Variants in KIRREL3 observed in about 807,000 individuals in gnomAD.
KIRREL3 encodes the protein kirre like nephrin family adhesion molecule 3, also known as kin of IRRE-like protein 3.
In KIRREL3, 36 loss-of-function variants were observed where a neutral mutation model predicts 89.7. The observed-to-expected ratio is 0.40, with a 90% CI of 0.31 to 0.53. KIRREL3 has a LOEUF of 0.53. Among genes scored for constraint, KIRREL3 ranks in the 20% least tolerant of loss-of-function variants. The pLI, the probability that KIRREL3 is intolerant of heterozygous loss-of-function variation, is 0.49. For missense variants in KIRREL3, 864 were observed against 1,056.6 expected (o/e 0.82, Z 2.53); for synonymous variants, 445 against 441.4 (o/e 1.01, Z -0.10).
At chr11:126,962,633 G>A (rs1042417258) in intron 1 of KIRREL3, among the ~76,000 whole-genome samples, 2 of 152,196 alleles carry the variant, frequency 1.3e-5, no homozygotes, top group Non-Finnish European at 2.9e-5. Context: ...AGGTGATAAA[G>A]CAGCAGCAGG....
Position 126,639,092 on chromosome 11 carries a change from G to A in KIRREL3, c.56-76180C>T, listed in dbSNP as rs1037392522. On this transcript the variant is annotated intron_variant, in intron 1 of 16. Transcript: ENST00000525144. The surrounding 1 kb of genome is among the most constrained non-coding windows in gnomAD (Gnocchi z 4.3). ...CTGGGCTGCATTGCCAAAGTTTCCA[G>A]TTTCTTCATGACTTGGCCAGCCCCC... 1.3e-5 allele frequency among the ~76,000 whole-genome samples: 2 copies of A among 152,114 alleles called. No individual in the cohort carries two copies. Among genetic ancestry groups the A allele is most frequent in the Non-Finnish European group, 2.9e-5 (2 of 68,016 alleles).
rs540730211 is a variant in KIRREL3 at position 126,481,932 on chromosome 11, C to A, written c.434-8466G>T. On this transcript the variant is annotated intron_variant, in intron 4 of 16. Coordinates refer to ENST00000525144, the MANE Select transcript of KIRREL3 (RefSeq NM_032531.4). ...AACTTCTTGGCCACTGCTGACTCTT[C>A]GGCCTTGCTTTTCATCACTTCTTAC... 2.0e-5 allele frequency among the ~76,000 whole-genome samples: 3 copies of A among 152,376 alleles called. No homozygotes were observed. The South Asian group carries it at 6.2e-4, about 32-fold the overall frequency.
Position 126,747,567 on chromosome 11 carries a change from C to T in KIRREL3, c.56-184655G>A, listed in dbSNP as rs763494225. Among the ~76,000 whole-genome samples the T allele has an allele frequency of 6.6e-6, 1 of 152,076 alleles. No homozygotes were observed. The highest frequency in any genetic ancestry group is 1.5e-5 in the Non-Finnish European group (1 of 68,022). ...TCTGCAAAGCAGTGCTCTCTGTGGT[C>T]GTGGCTGTGCTCACAGAAAAGGCAC... On this transcript the variant is annotated intron_variant, in intron 1 of 16. Coordinates refer to ENST00000525144, the MANE Select transcript of KIRREL3 (RefSeq NM_032531.4). This position sits in a 1 kb window ranked among gnomAD's most constrained non-coding sequence, Gnocchi z 4.7.
rs540176402 is a variant in KIRREL3, at chr11:126,755,821, G to A, written c.56-192909C>T. Among the ~76,000 whole-genome samples, 113 of 78,086 alleles carry A rather than the reference G, an allele frequency of 1.4e-3. No individual in the cohort carries two copies. The highest frequency in any genetic ancestry group is 5.9e-3 in the Middle Eastern group (1 of 170). The allele number at this position is 78,086 out of a possible 152,430, so 51.2% of individuals were successfully genotyped here. On this transcript the variant is annotated intron_variant, in intron 1 of 16. Transcript: ENST00000525144. This position sits in a 1 kb window ranked among gnomAD's most constrained non-coding sequence, Gnocchi z 4.3. ...ATGCGTGCTCGCCATCTGCCATTCA[G>A]GCAGAGAGAGAGAGAGAGAGAGAGA...
chr11:126,920,027 A>G (rs1947205893), intron 1 of KIRREL3, among the ~76,000 whole-genome samples: 2 of 152,202 alleles, frequency 1.3e-5, no homozygotes, highest in African/African-American at 4.8e-5. Flanking sequence ...GATAGCATTT[A>G]ATTTTATCAT....
rs1948725301 is a variant in KIRREL3, at chr11:126,734,136, G to A, written c.56-171224C>T. On this transcript the variant is annotated intron_variant, in intron 1 of 16. Transcript: ENST00000525144. The surrounding 1 kb of genome is among the most constrained non-coding windows in gnomAD (Gnocchi z 5.9). ...TCCCTAGGTGGTTTGTTTGAACACTGGAGTTTGGGAAGCACTGCACTAATG... is the reference window on the plus strand; with the variant it reads ...TCCCTAGGTGGTTTGTTTGAACACTAGAGTTTGGGAAGCACTGCACTAATG... Among the ~76,000 whole-genome samples, 1 of 152,146 alleles carries A rather than the reference G, an allele frequency of 6.6e-6. No homozygotes were observed. Among genetic ancestry groups the A allele is most frequent in the East Asian group, 1.9e-4 (1 of 5,196 alleles).
intron 1 of KIRREL3, among the ~76,000 whole-genome samples, chr11:126,871,742 G>C (rs764857800): frequency 5.3e-5 from 8 of 152,128 alleles, no homozygotes; most frequent in Non-Finnish European, 1.0e-4. Context: ...GTCTTTCTTG[G>C]GTCAGGAGCA....
intron 1 of KIRREL3, among the ~76,000 whole-genome samples, chr11:126,966,577 G>A (rs1949279110): frequency 6.6e-6 from 1 of 152,146 alleles, no homozygotes; most frequent in Non-Finnish European, 1.5e-5. Context: ...TAGGTGGTGT[G>A]CCTGACGTGT....
In KIRREL3 at chr11:126,977,399, A is replaced by G. The variant is rs549833175; in HGVS notation, c.55+23056T>C. On this transcript the variant is annotated intron_variant, in intron 1 of 16. Transcript: ENST00000525144. This position sits in a 1 kb window ranked among gnomAD's most constrained non-coding sequence, Gnocchi z 4.7. ...TTTCTTTTTCATCACCCAGCTTTTCATATTGTTTATTTTCTACTGCCTCTG... is the reference window on the plus strand; with the variant it reads ...TTTCTTTTTCATCACCCAGCTTTTCGTATTGTTTATTTTCTACTGCCTCTG... Among the ~76,000 whole-genome samples the G allele has an allele frequency of 1.3e-5, 2 of 151,750 alleles. No individual in the cohort carries two copies. The highest frequency in any genetic ancestry group is 3.9e-4 in the East Asian group (2 of 5,150).
chr11:126,599,837 A>G (rs1272768022), intron 1 of KIRREL3, among the ~76,000 whole-genome samples: 4 of 152,096 alleles, frequency 2.6e-5, no homozygotes, highest in African/African-American at 4.8e-5. Flanking sequence ...GCTGGTTTCC[A>G]TTTTCTTAGA....
chr11:126,913,077 A>C (rs1335878565), intron 1 of KIRREL3, among the ~76,000 whole-genome samples: 3 of 152,214 alleles, frequency 2.0e-5, no homozygotes, highest in Middle Eastern at 3.2e-3. Context: ...TAACTACCCA[A>C]AGATTAGAAC....
chr11:126,793,719 C>A (rs763556427), intron 1 of KIRREL3, among the ~76,000 whole-genome samples: 3 of 152,178 alleles, frequency 2.0e-5, no homozygotes, highest in Non-Finnish European at 4.4e-5. Flanking sequence ...AAGGAAAATG[C>A]GTAAATGATT....
In KIRREL3 at chr11:126,685,824, C is replaced by A. The variant is rs1048767657; in HGVS notation, c.56-122912G>T. On this transcript the variant is annotated intron_variant, in intron 1 of 16. Transcript: ENST00000525144. This position sits in a 1 kb window ranked among gnomAD's most constrained non-coding sequence, Gnocchi z 5.5. ...TGATGTTTGCCAGAGTGGCTCCACGCCCCTTGGGGGCAGATGGCCGACCCA... is the reference window on the plus strand; with the variant it reads ...TGATGTTTGCCAGAGTGGCTCCACGACCCTTGGGGGCAGATGGCCGACCCA... 6.6e-6 allele frequency among the ~76,000 whole-genome samples: 1 copy of A among 152,222 alleles called. No individual in the cohort carries two copies. Among genetic ancestry groups the A allele is most frequent in the Admixed American group, 6.5e-5 (1 of 15,290 alleles).
intron 12 of KIRREL3, 81 bp downstream of exon 12, chr11:126,436,730 C>T: frequency 6.7e-7 from 1 of 1,489,484 alleles, no homozygotes; most frequent in Non-Finnish European, 9.3e-7. Context: ...ACCTTGCAGC[C>T]ACCCGCGCCC....
Position 126,897,724 on chromosome 11 carries a change from G to A in KIRREL3, c.55+102731C>T, listed in dbSNP as rs569118834. ...TTTGATTTCATCTCCAGTTTCGGAC[G>A]AGCAGCAGTACAACATGCAGCAGCA... On this transcript the variant is annotated intron_variant, in intron 1 of 16. Coordinates refer to ENST00000525144, the MANE Select transcript of KIRREL3 (RefSeq NM_032531.4). The surrounding 1 kb of genome is among the most constrained non-coding windows in gnomAD (Gnocchi z 4.2). Among the ~76,000 whole-genome samples the A allele has an allele frequency of 1.3e-5, 2 of 152,182 alleles. No homozygotes were observed. The highest frequency in any genetic ancestry group is 6.5e-5 in the Admixed American group (1 of 15,278).
intron 1 of KIRREL3, among the ~76,000 whole-genome samples, chr11:126,915,414 C>T (rs34752015): frequency 0.12 from 17,775 of 151,742 alleles, 1,395 homozygotes; most frequent in East Asian, 0.4. Flanking sequence ...GGATTAAATC[C>T]CCAATTCTAA....
intron 7 of KIRREL3, among the ~76,000 whole-genome samples, chr11:126,450,566 CGT>C (rs1565462337): frequency 8.8e-6 from 1 of 114,008 alleles, no homozygotes; most frequent in Non-Finnish European, 1.8e-5. Context: ...TGTGCATGTG[CGT>C]GTGCATGTGT....
chr11:126,499,220 T>C (rs758249549), intron 4 of KIRREL3, among the ~76,000 whole-genome samples: 2 of 151,586 alleles, frequency 1.3e-5, no homozygotes, highest in Non-Finnish European at 2.9e-5. Flanking sequence ...CGTCATTGCA[T>C]TGAATGGGAT....
intron 1 of KIRREL3, among the ~76,000 whole-genome samples, chr11:126,864,538 T>C (rs1043771062): frequency 3.9e-5 from 6 of 152,292 alleles, no homozygotes; most frequent in African/African-American, 1.4e-4. Context: ...GCAGCAAATA[T>C]AAGACTTGGG....
Sources: allele counts gnomAD v4.1 joint callset (sites outside exome capture counted in the v4.1 genomes callset), GRCh38; gene constraint gnomAD v4.1.1; non-coding constraint Gnocchi (gnomAD v3.1); transcripts MANE v1.5; gene names NCBI Gene and HGNC (gene_info 2026-07-23, HGNC 2026-07-21).